IGF2BP2: variants seen among roughly 807,000 people sequenced by gnomAD.
IGF2BP2 encodes the protein insulin like growth factor 2 mRNA binding protein 2.
IGF2BP2 carries 17 observed loss-of-function variants against 75.8 expected under a neutral mutation model. That is an observed-to-expected ratio of 0.22 (90% CI 0.15 to 0.34). The LOEUF is 0.34. IGF2BP2 is among the 10% of genes least tolerant of loss of function. The pLI is 1.00. For missense variants in IGF2BP2, 516 were observed against 772.4 expected (o/e 0.67, Z 3.93); for synonymous variants, 288 against 295.6 (o/e 0.97, Z 0.26).
chr3:185,818,271 A>G (rs1740865722), intron 2 of IGF2BP2, among the ~76,000 whole-genome samples: 1 of 152,180 alleles, frequency 6.6e-6, no homozygotes, highest in African/African-American at 2.4e-5. Flanking sequence ...ATCTTTTGTG[A>G]CAGGGGATAG....
intron 2 of IGF2BP2, among the ~76,000 whole-genome samples, chr3:185,788,604 C>T (rs974303299): frequency 2.0e-5 from 3 of 151,818 alleles, no homozygotes; most frequent in African/African-American, 7.3e-5. Context: ...TTTGAGAACA[C>T]ACTACAGCAT....
chr3:185,727,772 T>C (rs1409505557), intron 2 of IGF2BP2, among the ~76,000 whole-genome samples: 2 of 152,192 alleles, frequency 1.3e-5, no homozygotes, highest in Non-Finnish European at 2.9e-5. Flanking sequence ...GTCTATCATA[T>C]GCCCTCTCAA....
chr3:185,658,224 C>T, intron 11 of IGF2BP2, 117 bp downstream of exon 11: 2 of 1,032,428 alleles, frequency 1.9e-6, no homozygotes, highest in Non-Finnish European at 3.0e-6. Flanking sequence ...ACTCCCAGGA[C>T]AAACCAGAAC....
At chr3:185,786,130 G>T (rs1352789995) in intron 2 of IGF2BP2, among the ~76,000 whole-genome samples, 1 of 151,106 alleles carries the variant, frequency 6.6e-6, no homozygotes, top group African/African-American at 2.4e-5. Flanking sequence ...CCCCCGCCAA[G>T]AAATTTTAAT....
At chr3:185,677,076 G>T (rs376546265) in intron 7 of IGF2BP2, among the ~76,000 whole-genome samples, 5,915 of 55,796 alleles carry the variant, frequency 0.11, 309 homozygotes, top group East Asian at 0.18. Flanking sequence ...TATAGAGAGA[G>T]AGAGAGAGAG....
rs1164588813 is a variant in IGF2BP2, at chr3:185,677,044, GATAT to G, written c.813-1135_813-1132del. Among the ~76,000 whole-genome samples the G allele has an allele frequency of 4.1e-3, 97 of 23,864 alleles. 6 individuals carry two copies. In the South Asian group the frequency reaches 0.051, roughly 13 times the overall value. The allele number at this position is 23,864 out of a possible 152,430, so 15.7% of individuals were successfully genotyped here. A position where few individuals can be genotyped will look rare whatever the true frequency, so the allele number is the denominator to read the frequency against. ...GGAGAGAGATATATATATATATGGAGATATATATATATATATATATATATAGAGA... is the reference window on the plus strand; with the variant it reads ...GGAGAGAGATATATATATATATGGAGATATATATATATATATATATAGAGA... On this transcript the variant is annotated intron_variant, in intron 7 of 15. Transcript: ENST00000382199.
In IGF2BP2 at chr3:185,658,375, T is replaced by C. The variant is rs1197509390; in HGVS notation, c.1235A>G (p.His412Arg). 1.9e-6 allele frequency: 3 copies of C among 1,613,894 alleles called. No individual in the cohort carries two copies. The highest frequency in any genetic ancestry group is 2.5e-6 in the Non-Finnish European group (3 of 1,179,896). Residue 412 changes from histidine (H) to arginine (R), a missense_variant, in exon 11 of 16, where the codon CAT becomes CGT. Around this residue, in one of 3 missense-constraint regions of IGF2BP2, gnomAD observed 75 missense variants for 67.4 expected, o/e 1.11. Transcript: ENST00000382199. ...ATGCGGGAACGGGCCAAACTGGTGA[T>C]GGGGGTACAGGCTGGAGAAGTATCC... ...HSGYFSSLYP[H>R]HQFGPFPHHH...
chr3:185,731,573 G>A (rs1449788956), intron 2 of IGF2BP2, among the ~76,000 whole-genome samples: 2 of 152,118 alleles, frequency 1.3e-5, no homozygotes, highest in African/African-American at 2.4e-5. Context: ...TCTAGGTGAC[G>A]GAGGGGAGCC....
At chr3:185,798,795 C>CTT (rs1191572296) in intron 2 of IGF2BP2, among the ~76,000 whole-genome samples, 1 of 68,908 alleles carries the variant, frequency 1.5e-5, no homozygotes, top group Admixed American at 1.2e-4. Context: ...TTCTTTTTTT[C>CTT]TTTTTTTTTT....
chr3:185,793,365 A>C (rs1315651242), intron 2 of IGF2BP2, among the ~76,000 whole-genome samples: 1 of 152,186 alleles, frequency 6.6e-6, no homozygotes, highest in Non-Finnish European at 1.5e-5. Context: ...GATCAGTGAT[A>C]GCCCACATAA....
chr3:185,772,294 T>C (rs1023376634), intron 2 of IGF2BP2, among the ~76,000 whole-genome samples: 6 of 152,192 alleles, frequency 3.9e-5, no homozygotes, highest in Non-Finnish European at 7.3e-5. Context: ...TTCCCTACTG[T>C]AAGTTTTATT....
chr3:185,699,576 A>T (rs1723025528), intron 2 of IGF2BP2, among the ~76,000 whole-genome samples: 1 of 152,248 alleles, frequency 6.6e-6, no homozygotes, highest in African/African-American at 2.4e-5. Flanking sequence ...TTATTTGCGT[A>T]TCCTTCAGAT....
At chr3:185,684,410 C>A (rs1452402528) in intron 7 of IGF2BP2, among the ~76,000 whole-genome samples, 2 of 141,376 alleles carry the variant, frequency 1.4e-5, no homozygotes, top group East Asian at 4.1e-4. Flanking sequence ...TTTTTTTTTT[C>A]TTTTCTTGTT....
chr3:185,659,864 G>A (rs1392179754), intron 10 of IGF2BP2, among the ~76,000 whole-genome samples: 5 of 151,170 alleles, frequency 3.3e-5, no homozygotes, highest in East Asian at 3.9e-4. Flanking sequence ...GCGCAATCTC[G>A]GCTCACTGCA....
At chr3:185,749,958 T>C (rs903105268) in intron 2 of IGF2BP2, among the ~76,000 whole-genome samples, 1 of 152,210 alleles carries the variant, frequency 6.6e-6, no homozygotes, top group Non-Finnish European at 1.5e-5. Flanking sequence ...CCACGCGGAC[T>C]TACTGCAAGA....
chr3:185,645,950 C>T lies in IGF2BP2; in HGVS notation c.1708-327G>A, dbSNP rs1713442513. Among the ~76,000 whole-genome samples, 2 of 152,072 alleles carry T rather than the reference C, an allele frequency of 1.3e-5. No homozygotes were observed. ...TGCAGAGTCAGATGCTACACTTGGG[C>T]TCCCGTGCTGCTCCCGCCCCCGTTC... On this transcript the variant is annotated intron_variant, in intron 15 of 15. Coordinates refer to ENST00000382199, the MANE Select transcript of IGF2BP2 (RefSeq NM_006548.6). The surrounding 1 kb of genome is among the most constrained non-coding windows in gnomAD (Gnocchi z 4.9).
rs187896215 is a variant in IGF2BP2, at chr3:185,687,934, T to G, written c.678-743A>C. 3.0e-3 allele frequency among the ~76,000 whole-genome samples: 452 copies of G among 152,330 alleles called. 2 individuals are homozygous for G. Among genetic ancestry groups the G allele is most frequent in the African/African-American group, 0.01 (426 of 41,572 alleles). On this transcript the variant is annotated intron_variant, in intron 6 of 15. Transcript: ENST00000382199. ...ACTTCTATTTAAACTTGTTACATTT[T>G]TTTTTCAAGCCACCTTACACAATTT...
At chr3:185,708,577 C>A (rs1225845957) in intron 2 of IGF2BP2, among the ~76,000 whole-genome samples, 3 of 152,026 alleles carry the variant, frequency 2.0e-5, no homozygotes, top group Non-Finnish European at 4.4e-5. Flanking sequence ...GGTCAGGCTC[C>A]CCTGGCGCAC....
At chr3:185,806,110 G>C (rs1738991054) in intron 2 of IGF2BP2, among the ~76,000 whole-genome samples, 3 of 152,150 alleles carry the variant, frequency 2.0e-5, no homozygotes, top group African/African-American at 7.2e-5. Context: ...GGCCAAATGT[G>C]AAGTAAATCT....
Sources: allele counts gnomAD v4.1 joint callset (sites outside exome capture counted in the v4.1 genomes callset), GRCh38; gene constraint gnomAD v4.1.1; regional missense constraint gnomAD v4.1.1; non-coding constraint Gnocchi (gnomAD v3.1); transcripts MANE v1.5; gene names NCBI Gene and HGNC (gene_info 2026-07-23, HGNC 2026-07-21).